The following WWOX variants were observed in gnomAD, a reference collection of about 807,000 sequenced individuals.
WWOX encodes the protein WW domain containing oxidoreductase, also known as WW domain-containing oxidoreductase.
Under a neutral mutation model 46.2 loss-of-function variants are expected in WWOX, and 69 were observed. The ratio of observed to expected loss-of-function variants is 1.49; its 90% CI spans 1.23 to 1.82. WWOX has a LOEUF of 1.82. Ranked by LOEUF, WWOX falls within the 40% of genes most tolerant of loss-of-function variation. The probability of loss-of-function intolerance (pLI) is 0.00; values close to 1 mark genes in which losing one functional copy is unlikely to be tolerated. For synonymous variants in WWOX, 359 were observed against 202.6 expected, an observed-to-expected ratio of 1.77 and a Z score of -6.56; for missense variants, 919 against 542.6, an observed-to-expected ratio of 1.69 and a Z score of -6.89.
At chr16:78,414,974 A>G (rs2082765814) in intron 6 of WWOX, among the ~76,000 whole-genome samples, 1 of 152,010 alleles carries the variant, frequency 6.6e-6, no homozygotes, top group Non-Finnish European at 1.5e-5. Flanking sequence ...TAAAGAAAGT[A>G]AAAGAATAAA....
intron 5 of WWOX, among the ~76,000 whole-genome samples, chr16:78,296,799 T>C (rs2079950175): frequency 6.6e-6 from 1 of 152,214 alleles, no homozygotes; most frequent in Non-Finnish European, 1.5e-5. Context: ...TTATTTAGTT[T>C]AGGAATTGAT....
intron 8 of WWOX, among the ~76,000 whole-genome samples, chr16:78,554,528 T>A (rs1389325245): frequency 6.6e-6 from 1 of 152,100 alleles, no homozygotes; most frequent in Non-Finnish European, 1.5e-5. Context: ...GTAATAGATA[T>A]AGGTAAAGAC....
At chr16:78,796,771 G>C (rs992263314) in intron 8 of WWOX, among the ~76,000 whole-genome samples, 2 of 151,784 alleles carry the variant, frequency 1.3e-5, no homozygotes, top group Non-Finnish European at 2.9e-5. Flanking sequence ...ACTCATTGCT[G>C]TGTGAGCTCT....
chr16:78,589,510 A>G (rs1019421510), intron 8 of WWOX, among the ~76,000 whole-genome samples: 3 of 152,148 alleles, frequency 2.0e-5, no homozygotes, highest in African/African-American at 2.4e-5. Flanking sequence ...CTCCCTGCCC[A>G]TGGCACTCAA....
At chr16:79,108,678 G>A (rs2049357060) in intron 8 of WWOX, among the ~76,000 whole-genome samples, 1 of 152,136 alleles carries the variant, frequency 6.6e-6, no homozygotes. Flanking sequence ...GAGGCAGGAG[G>A]ATTGCTTGAG....
intron 8 of WWOX, among the ~76,000 whole-genome samples, chr16:78,606,412 G>A (rs373265356): frequency 1.6e-4 from 24 of 152,082 alleles, no homozygotes; most frequent in African/African-American, 5.3e-4. Flanking sequence ...ATTAGAATGT[G>A]GGCTACATGC....
intron 8 of WWOX, among the ~76,000 whole-genome samples, chr16:78,705,902 A>G (rs1159791036): frequency 6.6e-6 from 1 of 152,160 alleles, no homozygotes; most frequent in African/African-American, 2.4e-5. Flanking sequence ...ATGACCTGCT[A>G]GATATAAGCA....
intron 8 of WWOX, among the ~76,000 whole-genome samples, chr16:78,533,669 C>T (rs1462883383): frequency 2.0e-5 from 3 of 152,156 alleles, no homozygotes; most frequent in African/African-American, 7.2e-5. Flanking sequence ...GAAAGTTGTC[C>T]TTCTGCACCC....
chr16:78,923,794 GTTTTTTT>G (rs56852814), intron 8 of WWOX, among the ~76,000 whole-genome samples: 3 of 102,166 alleles, frequency 2.9e-5, no homozygotes, highest in Admixed American at 1.1e-4. Flanking sequence ...TTTTTAGTTA[GTTTTTTT>G]TTTTTTTTTT....
At chr16:78,904,484 GC>G (rs927050895) in intron 8 of WWOX, among the ~76,000 whole-genome samples, 9 of 151,930 alleles carry the variant, frequency 5.9e-5, no homozygotes, top group African/African-American at 2.2e-4. Context: ...TGATCTGCCT[GC>G]CCCAGCCTCC....
chr16:78,860,044 G>C (rs970221758), intron 8 of WWOX, among the ~76,000 whole-genome samples: 11 of 152,038 alleles, frequency 7.2e-5, no homozygotes, highest in African/African-American at 2.7e-4. Context: ...GTTCTCAAAA[G>C]AAAAATTGTA....
intron 8 of WWOX, among the ~76,000 whole-genome samples, chr16:78,601,070 C>T (rs2045610912): frequency 6.6e-6 from 1 of 152,114 alleles, no homozygotes; most frequent in Non-Finnish European, 1.5e-5. Flanking sequence ...ATGTAAATAC[C>T]CTGATTTTAT....
intron 8 of WWOX, among the ~76,000 whole-genome samples, chr16:78,600,701 G>A (rs1168663611): frequency 6.6e-6 from 1 of 152,166 alleles, no homozygotes; most frequent in East Asian, 1.9e-4. Flanking sequence ...TAGAACGACA[G>A]CAAGACAATA....
intron 5 of WWOX, among the ~76,000 whole-genome samples, chr16:78,333,564 T>C (rs574852639): frequency 2.0e-5 from 3 of 152,334 alleles, no homozygotes; most frequent in East Asian, 3.9e-4. Flanking sequence ...ATCATATTTA[T>C]AGAATTCTGC....
In WWOX at chr16:78,571,222, A is replaced by G. The variant is rs542236781; in HGVS notation, c.1056+138470A>G. ...CAGACAGCCTTTGCTTTATGTATCAATTTTTGTAAATGTGTTGCTTAAATA... is the reference window on the plus strand; with the variant it reads ...CAGACAGCCTTTGCTTTATGTATCAGTTTTTGTAAATGTGTTGCTTAAATA... On this transcript the variant is annotated intron_variant, in intron 8 of 8. Transcript: ENST00000566780. Among the ~76,000 whole-genome samples, 7 of 152,270 alleles carry G rather than the reference A, an allele frequency of 4.6e-5. 1 individual carries two copies. The highest frequency in any genetic ancestry group is 3.3e-4 in the Admixed American group (5 of 15,298).
intron 5 of WWOX, among the ~76,000 whole-genome samples, chr16:78,233,353 C>A (rs1466436495): frequency 6.6e-6 from 1 of 151,950 alleles, no homozygotes; most frequent in Non-Finnish European, 1.5e-5. Context: ...ACCCTTTTAA[C>A]AAATTTTTAA....
chr16:78,530,776 A>T (rs1359026050), intron 8 of WWOX, among the ~76,000 whole-genome samples: 1 of 152,136 alleles, frequency 6.6e-6, no homozygotes. Context: ...TGTACATATG[A>T]AATTTAATAT....
chr16:78,804,752 A>T (rs182136700), intron 8 of WWOX, among the ~76,000 whole-genome samples: 8 of 152,352 alleles, frequency 5.3e-5, no homozygotes, highest in Admixed American at 3.3e-4. Context: ...TGTTTGTAGC[A>T]AAAGTTACCT....
intron 8 of WWOX, among the ~76,000 whole-genome samples, chr16:78,440,450 A>G (rs769387679): frequency 2.6e-5 from 4 of 152,144 alleles, no homozygotes; most frequent in Non-Finnish European, 5.9e-5. Context: ...CTCTCAGATT[A>G]TATGAAGCTC....
Sources: allele counts gnomAD v4.1 joint callset (sites outside exome capture counted in the v4.1 genomes callset), GRCh38; gene constraint gnomAD v4.1.1; transcripts MANE v1.5; gene names NCBI Gene and HGNC (gene_info 2026-07-23, HGNC 2026-07-21).